The following CAPN12 variants were observed in gnomAD, a reference collection of about 807,000 sequenced individuals.
CAPN12 encodes calpain-12.
Under a neutral mutation model 95.0 loss-of-function variants are expected in CAPN12, and 107 were observed. The ratio of observed to expected loss-of-function variants is 1.13; its 90% confidence interval spans 0.96 to 1.32. The LOEUF is 1.32. Among genes scored for constraint, CAPN12 ranks in the 40% most tolerant of loss-of-function variants. The pLI is 0.00. For synonymous variants in CAPN12, 505 were observed against 415.5 expected, an observed-to-expected ratio of 1.22 and a Z score of -2.62; for missense variants, 1,136 against 997.8, an observed-to-expected ratio of 1.14 and a Z score of -1.87.
Position 38,736,125 on chromosome 19 carries a change from C to T in CAPN12, c.1568G>A (p.Arg523His). 8 of 1,503,700 alleles carry T rather than the reference C, an allele frequency of 5.3e-6. No individual in the cohort carries two copies. The highest frequency in any genetic ancestry group is 6.2e-6 in the Non-Finnish European group (7 of 1,129,850). The allele number at this position is 1,503,700 out of a possible 1,614,324, so 93.1% of individuals were successfully genotyped here. ...ADFTLRVFSE[R>H]RHTAVEIDDV... ...CGGGGCTCACACGGCCGTGTGGCGG[C>T]GCTCGGAGAAGACACGCAGAGTGAA... The change falls in exon 12 of 21, where the codon CGC becomes CAC. Residue 523 changes from arginine (R) to histidine (H), a missense_variant. By Grantham distance (29) the Arg-to-His change is conservative. Coordinates refer to ENST00000328867, the MANE Select transcript of CAPN12 (RefSeq NM_144691.4).
chr19:38,737,367 T>G lies in CAPN12; in HGVS notation c.1151A>C (p.Gln384Pro). The G allele has an allele frequency of 6.4e-7, 1 of 1,572,640 alleles. No individual in the cohort carries two copies. ...PNAETFWTNP[Q>P]FRLTLLEPDE... Reference sequence around the variant, plus strand: ...AGGCTCCAGCAGCGTTAAACGGAACTGAGGATTGGTCCAGAAGGTTTCTAA... The same window carrying G: ...AGGCTCCAGCAGCGTTAAACGGAACGGAGGATTGGTCCAGAAGGTTTCTAA... Residue 384 changes from glutamine to proline, a missense_variant, in exon 10 of 21, where the codon CAG becomes CCG. Physicochemically the swap from Gln to Pro is moderately conservative, Grantham distance 76. Coordinates refer to ENST00000328867, the MANE Select transcript of CAPN12 (RefSeq NM_144691.4).
At chr19:38,733,587 T>G in intron 18 of CAPN12, 116 bp downstream of exon 18, 1 of 899,622 alleles carries the variant, frequency 1.1e-6, no homozygotes, top group Non-Finnish European at 1.8e-6. Flanking sequence ...AGCTAAGGTG[T>G]GGGCCTGTGG....
intron 5 of CAPN12, 138 bp downstream of exon 5, chr19:38,739,913 T>C: frequency 1.2e-6 from 1 of 869,560 alleles, no homozygotes; most frequent in Non-Finnish European, 1.6e-6. Flanking sequence ...GAATTTATTT[T>C]TGACTAGTTA....
At chr19:38,733,510 C>T (rs1341075907) in intron 18 of CAPN12, 193 bp downstream of exon 18, 3 of 581,330 alleles carry the variant, frequency 5.2e-6, no homozygotes, top group Non-Finnish European at 9.2e-6. Flanking sequence ...ACACACGCCC[C>T]TTGCCCTTCT....
Position 38,744,241 on chromosome 19 carries a change from G to A in CAPN12, c.-76C>T. 7.2e-7 allele frequency: 1 copy of A among 1,384,752 alleles called. No individual in the cohort carries two copies. The highest frequency in any genetic ancestry group is 1.0e-6 in the Non-Finnish European group (1 of 981,524). 85.8% of individuals were successfully genotyped at this position (1,384,752 alleles called of 1,614,324 possible). ...ACGGGGGCGGGGCCTCTCTTCCATT[G>A]GAGCCCCAGTGGGGTCTTTAGGCAA... On this transcript the variant is annotated 5_prime_UTR_variant, in exon 1 of 21. Coordinates refer to ENST00000328867, the MANE Select transcript of CAPN12 (RefSeq NM_144691.4).
chr19:38,737,649 G>T lies in CAPN12; in HGVS notation c.966-11C>A. 6.4e-7 allele frequency: 1 copy of T among 1,572,804 alleles called. No individual in the cohort carries two copies. The highest frequency in any genetic ancestry group is 2.3e-5 in the East Asian group (1 of 43,840). ...TCCCGCAGCTCCATCCTGCACGGTG[G>T]CCCAGTCAGACCCTGCCCGGCCCCA... On this transcript the variant is annotated splice_polypyrimidine_tract_variant and intron_variant, in intron 8 of 20. Transcript: ENST00000328867.
rs1427066860 is a variant in CAPN12 at position 38,738,581 on chromosome 19, GT to G, written c.796del (p.Thr266HisfsTer49). The G allele has an allele frequency of 6.2e-7, 1 of 1,614,052 alleles. No homozygotes were observed. ...VKGHAYSITG[T>X]HKVFLGFTKV... The stretch of plus-strand genomic sequence containing the variant: ...CCCATGGGGGACACTTACCTTGTGT[GT>G]GCCCGTGATGGAATACGCGTGTCCC... On this transcript the variant is annotated frameshift_variant, in exon 6 of 21. Coordinates refer to ENST00000328867, the MANE Select transcript of CAPN12 (RefSeq NM_144691.4). LOFTEE classifies it high-confidence loss of function.
chr19:38,735,017 G>A lies in CAPN12; in HGVS notation c.1687-147C>T, dbSNP rs1016399210. ...AGACAGACCTGTCCCCACAGGGCCA[G>A]GGCTGTGACGGGGGAAGCACTGGGC... is the stretch of plus-strand genomic sequence containing the variant. On this transcript the variant is annotated intron_variant, in intron 14 of 20. Transcript: ENST00000328867. The A allele has an allele frequency of 2.4e-5, 17 of 705,456 alleles. No homozygotes were observed. The East Asian group carries it at 4.4e-4, about 18-fold the overall frequency. The allele number at this position is 705,456 out of a possible 1,614,324, so 43.7% of individuals were successfully genotyped here.
rs1315756907 is a variant in CAPN12, at chr19:38,738,283, C to T, written c.955G>A (p.Gly319Ser). Residue 319 changes from glycine (G) to serine (S), a missense_variant, in exon 8 of 21, where the codon GGC becomes AGC. Gly to Ser is a moderately conservative substitution (Grantham distance 56). Coordinates refer to ENST00000328867, the MANE Select transcript of CAPN12 (RefSeq NM_144691.4). ...CCCTGACGAACTGACCAGAACTCGC[C>T]ATCCTCCTTTTTCACCAGCAGGGCA... ...RDALLVKKED[G>S]EFWMELRDFL... 1 of 1,611,966 alleles carries T rather than the reference C, an allele frequency of 6.2e-7. No homozygotes were observed. Among genetic ancestry groups the T allele is most frequent in the Admixed American group, 1.7e-5 (1 of 59,998 alleles).
intron 17 of CAPN12, 77 bp downstream of exon 17, chr19:38,734,065 A>C: frequency 6.6e-7 from 1 of 1,516,444 alleles, no homozygotes; most frequent in Admixed American, 1.8e-5. Context: ...TGGGGACCTG[A>C]TAGCCCACAG....
chr19:38,744,561 C>A, upstream of CAPN12: 1 of 272,826 alleles, frequency 3.7e-6, no homozygotes, highest in South Asian at 4.6e-5. Flanking sequence ...CAGACTGCCT[C>A]TCTCCCCCTC....
In CAPN12 at chr19:38,740,068, C is replaced by A. The variant is rs749106046; in HGVS notation, c.712G>T (p.Val238Leu). The A allele has an allele frequency of 6.3e-7, 1 of 1,597,240 alleles. No individual in the cohort carries two copies. The highest frequency in any genetic ancestry group is 1.7e-5 in the Admixed American group (1 of 58,516). ...LRHALAKESL[V>L]GATALSDRGE... ...TCTCTTACCAGGGCAGTGGCGCCCA[C>A]GAGGGACTCCTTGGCCAGGGCATGG... The change falls in exon 5 of 21, where the codon GTG (valine) becomes TTG (leucine). Residue 238 changes from valine to leucine, a missense_variant. Coordinates refer to ENST00000328867, the MANE Select transcript of CAPN12 (RefSeq NM_144691.4).
In CAPN12 at chr19:38,730,725, G is replaced by T; in HGVS notation, c.*127C>A. 8.3e-7 allele frequency: 1 copy of T among 1,206,334 alleles called. No individual in the cohort carries two copies. The highest frequency in any genetic ancestry group is 1.2e-6 in the Non-Finnish European group (1 of 849,676). 74.7% of individuals were successfully genotyped at this position (1,206,334 alleles called of 1,614,324 possible). On this transcript the variant is annotated 3_prime_UTR_variant, in exon 21 of 21. Transcript: ENST00000328867. ...GAGTGGTCACCCGGCCGTGAGCAGT[G>T]AGGGCCAGAGACTAGCCCCAGACAG...
At position 38,732,355 on chromosome 19, in the gene CAPN12, G is replaced by A. The variant is rs373627156; in HGVS notation, c.1958-1132C>T. Among the ~76,000 whole-genome samples, 49 of 152,098 alleles carry A rather than the reference G, an allele frequency of 3.2e-4. 1 individual carries two copies. In the East Asian group the frequency reaches 8.5e-3, roughly 26 times the overall value. On this transcript the variant is annotated intron_variant, in intron 18 of 20. Coordinates refer to ENST00000328867, the MANE Select transcript of CAPN12 (RefSeq NM_144691.4). ...CTTTTTCTTTTTTCTTTTTTGAGAC[G>A]GAGTCTCGCTCTGTTGCCCAGGCTG...
chr19:38,734,054 C>T (rs1206147727), intron 17 of CAPN12, 88 bp downstream of exon 17: 4 of 1,454,350 alleles, frequency 2.8e-6, no homozygotes, highest in Non-Finnish European at 3.8e-6. Flanking sequence ...CCCTCGTTCC[C>T]TGGGGACCTG....
At position 38,730,655 on chromosome 19, in the gene CAPN12, A is replaced by G. The variant is rs1060186; in HGVS notation, c.*197T>C. 471,642 of 642,284 alleles carry G rather than the reference A, an allele frequency of 0.73. 175,119 individuals are homozygous for G. Among genetic ancestry groups the G allele is most frequent in the South Asian group, 0.85 (46,046 of 53,982 alleles). 39.8% of individuals were successfully genotyped at this position (642,284 alleles called of 1,614,324 possible). A position where few individuals can be genotyped will look rare whatever the true frequency, so the allele number is the denominator to read the frequency against. Reference sequence around the variant, plus strand: ...ACTAGCTCGTGTCATCTGCTCGAGAAGGGCTGTCGCTGTTCTTGTTTCTGA... The same window carrying G: ...ACTAGCTCGTGTCATCTGCTCGAGAGGGGCTGTCGCTGTTCTTGTTTCTGA... On this transcript the variant is annotated 3_prime_UTR_variant, in exon 21 of 21. Coordinates refer to ENST00000328867, the MANE Select transcript of CAPN12 (RefSeq NM_144691.4).
intron 15 of CAPN12, 145 bp from the exon 16 acceptor site, chr19:38,734,534 C>T (rs1053178728): frequency 6.8e-5 from 50 of 733,270 alleles, no homozygotes; most frequent in African/African-American, 2.3e-4. Flanking sequence ...GTGACTGCTG[C>T]GCCTAGCAGA....
At position 38,734,341 on chromosome 19, in the gene CAPN12, TCA is replaced by T. The variant is rs769178094; in HGVS notation, c.1791_1792del (p.Cys597Ter). 1.7e-5 allele frequency: 28 copies of T among 1,607,920 alleles called. No individual in the cohort carries two copies. Among genetic ancestry groups the T allele is most frequent in the Non-Finnish European group, 2.2e-5 (26 of 1,176,888 alleles). On this transcript the variant is annotated stop_gained and frameshift_variant, in exon 16 of 21. Coordinates refer to ENST00000328867, the MANE Select transcript of CAPN12 (RefSeq NM_144691.4). LOFTEE classifies it high-confidence loss of function. ...TACCCCGAAACACTGCAGCAGCTGC[TCA>T]CAGGTCCTGAGCCCGATCTCTCTGG...
chr19:38,733,775 A>G lies in CAPN12; in HGVS notation c.1885T>C (p.Phe629Leu). The change falls in exon 18 of 21, where the codon TTT becomes CTT. Residue 629 changes from phenylalanine (F) to leucine (L), a missense_variant. Physicochemically the swap from Phe to Leu is conservative, Grantham distance 22. Transcript: ENST00000328867. Reference sequence around the variant, plus strand: ...GAGGTGTCCTCATCGAACTTGTTAAATATGGCCTGGGCAGGAAGGATGAGT... The same window carrying G: ...GAGGTGTCCTCATCGAACTTGTTAAGTATGGCCTGGGCAGGAAGGATGAGT... The part of the protein sequence containing the change: ...WGYLLEWQAI[F>L]NKFDEDTSGT... 2 of 1,613,224 alleles carry G rather than the reference A, an allele frequency of 1.2e-6. No homozygotes were observed. Among genetic ancestry groups the G allele is most frequent in the Non-Finnish European group, 8.5e-7 (1 of 1,179,700 alleles).
Sources: gnomAD v4.1 joint callset for allele counts (sites outside exome capture counted in the v4.1 genomes callset) on GRCh38, gnomAD v4.1.1 for gene constraint, MANE v1.5 for transcripts, NCBI Gene and HGNC (gene_info 2026-07-23, HGNC 2026-07-21) for gene names.